ROR2: variants seen among roughly 807,000 people sequenced by gnomAD.
ROR2 encodes the protein ROR family WNT receptor 2, also known as tyrosine-protein kinase transmembrane receptor ROR2.
Under a neutral mutation model 74.9 loss-of-function variants are expected in ROR2, and 33 were observed. The observed-to-expected ratio is 0.44, with a 90% CI of 0.33 to 0.59. The LOEUF is 0.59. Ranked by LOEUF, ROR2 falls within the 20% of genes least tolerant of loss-of-function variation. The pLI is 0.02. For synonymous variants in ROR2, 586 were observed against 558.7 expected, an observed-to-expected ratio of 1.05 and a Z score of -0.69; for missense variants, 1,216 against 1,313.8, an observed-to-expected ratio of 0.93 and a Z score of 1.15.
At chr9:91,773,158 G>C (rs1411238860) in intron 2 of ROR2, among the ~76,000 whole-genome samples, 1 of 152,090 alleles carries the variant, frequency 6.6e-6, no homozygotes, top group Admixed American at 6.5e-5. Flanking sequence ...GCACAGCCCC[G>C]CCCCAGGCCC....
intron 1 of ROR2, among the ~76,000 whole-genome samples, chr9:91,794,716 A>G (rs1455175699): frequency 6.6e-6 from 1 of 152,094 alleles, no homozygotes; most frequent in African/African-American, 2.4e-5. Context: ...TTCTTTTTCA[A>G]TTAAAAAAAA....
intron 1 of ROR2, among the ~76,000 whole-genome samples, chr9:91,886,177 T>G (rs1377372704): frequency 1.3e-5 from 2 of 152,048 alleles, no homozygotes; most frequent in Non-Finnish European, 2.9e-5. Flanking sequence ...CCCCCGGCCA[T>G]GGTTACTTTT....
chr9:91,757,695 G>T, intron 2 of ROR2, 136 bp from the exon 3 acceptor site: 1 of 892,674 alleles, frequency 1.1e-6, no homozygotes, highest in Non-Finnish European at 1.8e-6. Flanking sequence ...TGTTATCTGC[G>T]GTAATTATCT....
chr9:91,743,773 C>A (rs1825320541), intron 4 of ROR2, among the ~76,000 whole-genome samples: 1 of 152,118 alleles, frequency 6.6e-6, no homozygotes, highest in African/African-American at 2.4e-5. Flanking sequence ...TAATTTAATG[C>A]CACTGCACTC....
chr9:91,726,840 A>T, intron 7 of ROR2, 97 bp from the exon 8 acceptor site: 1 of 1,141,002 alleles, frequency 8.8e-7, no homozygotes, highest in Non-Finnish European at 1.3e-6. Context: ...CAAAATCTTC[A>T]CGTGCACGTG....
intron 1 of ROR2, among the ~76,000 whole-genome samples, chr9:91,873,911 T>G (rs745342322): frequency 1.3e-5 from 2 of 152,210 alleles, no homozygotes; most frequent in Non-Finnish European, 2.9e-5. Context: ...TAACTTTCGC[T>G]TCTCCTCAGA....
intron 1 of ROR2, 97 bp from the exon 2 acceptor site, chr9:91,775,915 T>C: frequency 4.2e-6 from 4 of 959,246 alleles, no homozygotes; most frequent in Non-Finnish European, 3.3e-6. Context: ...CTAGCAAAAC[T>C]ACCCAGTATT....
intron 1 of ROR2, among the ~76,000 whole-genome samples, chr9:91,810,726 G>A (rs1383036395): frequency 4.6e-5 from 7 of 152,366 alleles, no homozygotes; most frequent in African/African-American, 1.7e-4. Context: ...GAGCCCTGCG[G>A]TCTGTGTCAC....
chr9:91,777,004 A>T (rs1440728432), intron 1 of ROR2, among the ~76,000 whole-genome samples: 1 of 152,268 alleles, frequency 6.6e-6, no homozygotes, highest in East Asian at 1.9e-4. Flanking sequence ...ACGTGTGGAA[A>T]TTTCACTTCC....
At chr9:91,949,504 G>A (rs1286163326) in intron 1 of ROR2, among the ~76,000 whole-genome samples, 2 of 151,896 alleles carry the variant, frequency 1.3e-5, no homozygotes, top group East Asian at 2.0e-4. Context: ...CGGGTCCTGG[G>A]ACCCTCGGGG....
At chr9:91,842,811 G>A (rs936618595) in intron 1 of ROR2, among the ~76,000 whole-genome samples, 2 of 152,218 alleles carry the variant, frequency 1.3e-5, no homozygotes, top group Middle Eastern at 3.2e-3. Context: ...TCTGCATCCA[G>A]CTGGCACACA....
At chr9:91,874,800 T>G (rs1000234142) in intron 1 of ROR2, among the ~76,000 whole-genome samples, 3 of 152,086 alleles carry the variant, frequency 2.0e-5, no homozygotes, top group African/African-American at 4.8e-5. Context: ...CCAGGCATGG[T>G]GGCGAATGCC....
intron 4 of ROR2, among the ~76,000 whole-genome samples, chr9:91,753,504 T>C (rs1825651871): frequency 6.6e-6 from 1 of 152,210 alleles, no homozygotes; most frequent in South Asian, 2.1e-4. Flanking sequence ...AACCTACGAA[T>C]GACCATTTGG....
At chr9:91,758,894 C>A (rs1206395337) in intron 2 of ROR2, among the ~76,000 whole-genome samples, 2 of 152,194 alleles carry the variant, frequency 1.3e-5, no homozygotes, top group Non-Finnish European at 2.9e-5. Context: ...GAGGAACATG[C>A]AAATACAATT....
chr9:91,941,467 C>CT (rs1056493236), intron 1 of ROR2, among the ~76,000 whole-genome samples: 2 of 152,208 alleles, frequency 1.3e-5, no homozygotes, highest in Admixed American at 1.3e-4. Flanking sequence ...CCCCTTTATC[C>CT]TTTAACATGG....
intron 1 of ROR2, among the ~76,000 whole-genome samples, chr9:91,818,861 C>A (rs1828035109): frequency 6.6e-6 from 1 of 152,156 alleles, no homozygotes; most frequent in Admixed American, 6.5e-5. Flanking sequence ...CTCCCTCCCA[C>A]CCTGAGCCCT....
At chr9:91,942,837 TC>T (rs1298059247) in intron 1 of ROR2, among the ~76,000 whole-genome samples, 5 of 152,158 alleles carry the variant, frequency 3.3e-5, no homozygotes, top group Non-Finnish European at 7.4e-5. Flanking sequence ...AAAAAAGTTT[TC>T]TCCCCTAGAG....
intron 1 of ROR2, among the ~76,000 whole-genome samples, chr9:91,835,297 T>G (rs1828577553): frequency 6.6e-6 from 1 of 152,194 alleles, no homozygotes; most frequent in Non-Finnish European, 1.5e-5. Flanking sequence ...TAGCCTTGGC[T>G]CCTCTGTCTT....
At chr9:91,886,938 G>C (rs1830298614) in intron 1 of ROR2, 1 of 152,194 alleles carries the variant, frequency 6.6e-6, no homozygotes, top group Admixed American at 6.5e-5. Flanking sequence ...CTGACAGTCA[G>C]ACTGCCTGCC....
Sources: allele counts gnomAD v4.1 joint callset (sites outside exome capture counted in the v4.1 genomes callset), GRCh38; gene constraint gnomAD v4.1.1; transcripts MANE v1.5; gene names NCBI Gene and HGNC (gene_info 2026-07-23, HGNC 2026-07-21).